Variants in AFG1L observed in about 807,000 individuals in gnomAD.
AFG1L encodes the protein AFG1-like ATPase.
AFG1L carries 53 observed loss-of-function variants against 62.2 expected under a neutral mutation model. That is an observed-to-expected ratio of 0.85 (90% CI 0.68 to 1.07). The LOEUF is 1.07. Ranked by LOEUF, AFG1L falls within the 50% of genes least tolerant of loss-of-function variation. The probability of loss-of-function intolerance (pLI) is 0.00; values close to 1 mark genes in which losing one functional copy is unlikely to be tolerated. For synonymous variants in AFG1L, 228 were observed against 210.3 expected (o/e 1.08, Z -0.73); for missense variants, 555 against 590.5 (o/e 0.94, Z 0.62).
intron 10 of AFG1L, among the ~76,000 whole-genome samples, chr6:108,502,196 TTTTGTTTG>T (rs939111401): frequency 4.6e-5 from 7 of 151,330 alleles, no homozygotes; most frequent in African/African-American, 1.7e-4. Flanking sequence ...TGGTTTTGCT[TTTTGTTTG>T]TTTGTTTGTT....
chr6:108,299,149 T>C (rs554490097), intron 1 of AFG1L, among the ~76,000 whole-genome samples: 2 of 151,538 alleles, frequency 1.3e-5, no homozygotes, highest in South Asian at 4.2e-4. Context: ...TAATCCCAGC[T>C]ACTTGGGAGG....
chr6:108,447,668 T>C (rs952820935), intron 8 of AFG1L, among the ~76,000 whole-genome samples: 2 of 152,192 alleles, frequency 1.3e-5, no homozygotes, highest in Admixed American at 1.3e-4. Flanking sequence ...AAAATTGTTG[T>C]TTTATTTGTC....
At chr6:108,320,424 C>T (rs911046926) in intron 1 of AFG1L, among the ~76,000 whole-genome samples, 1 of 152,164 alleles carries the variant, frequency 6.6e-6, no homozygotes, top group Non-Finnish European at 1.5e-5. Context: ...CTCCTCCAGG[C>T]CCCTCAGGAA....
chr6:108,302,487 C>T (rs1197069368), intron 1 of AFG1L, among the ~76,000 whole-genome samples: 1 of 151,878 alleles, frequency 6.6e-6, no homozygotes, highest in East Asian at 1.9e-4. Flanking sequence ...AAGCCGAGCC[C>T]AGCCATGGGT....
chr6:108,510,288 C>T lies in AFG1L; in HGVS notation c.1139C>T (p.Thr380Ile). The T allele has an allele frequency of 3.1e-6, 5 of 1,612,342 alleles. No individual in the cohort carries two copies. The highest frequency in any genetic ancestry group is 4.2e-6 in the Non-Finnish European group (5 of 1,178,808). ...TIFLRNIPQF[T>I]LANRTQGRRF... ...TTTTTACGAAACATTCCGCAATTTA[C>T]TCTGGCAAACAGGACTCAAGGTCGA... is the stretch of plus-strand genomic sequence containing the variant. The change falls in exon 11 of 13, where the codon ACT becomes ATT. Residue 380 changes from threonine (T) to isoleucine (I), a missense_variant. Thr to Ile is a moderately conservative substitution (Grantham distance 89, BLOSUM62 -1). Coordinates refer to ENST00000368977, the MANE Select transcript of AFG1L (RefSeq NM_145315.5).
chr6:108,313,608 C>T (rs550613938), intron 1 of AFG1L, among the ~76,000 whole-genome samples: 22 of 152,220 alleles, frequency 1.4e-4, no homozygotes, highest in African/African-American at 3.1e-4. Context: ...GACATAATCA[C>T]GGCTCACTGC....
intron 6 of AFG1L, among the ~76,000 whole-genome samples, chr6:108,400,968 A>ATTCTATTT (rs1781575608): frequency 6.7e-6 from 1 of 148,192 alleles, no homozygotes; most frequent in Admixed American, 6.9e-5. Flanking sequence ...TCAATGTTTA[A>ATTCTATTT]TTCTTTTTTT....
At chr6:108,428,315 G>GTA (rs1259207796) in intron 7 of AFG1L, among the ~76,000 whole-genome samples, 1 of 152,114 alleles carries the variant, frequency 6.6e-6, no homozygotes, top group Non-Finnish European at 1.5e-5. Context: ...ATTCCATGGT[G>GTA]TATATATATA....
chr6:108,371,085 T>A (rs1048804489), intron 6 of AFG1L, among the ~76,000 whole-genome samples: 2 of 152,228 alleles, frequency 1.3e-5, no homozygotes, highest in South Asian at 4.1e-4. Context: ...TTCCAGTTCA[T>A]GCCTTGTTTG....
At chr6:108,490,087 G>A (rs1773716885) in intron 10 of AFG1L, among the ~76,000 whole-genome samples, 2 of 152,296 alleles carry the variant, frequency 1.3e-5, no homozygotes, top group Middle Eastern at 3.4e-3. Context: ...TAGGCTAGGC[G>A]CGGTGGCTTA....
At chr6:108,452,431 G>T (rs1772094001) in intron 8 of AFG1L, among the ~76,000 whole-genome samples, 1 of 151,922 alleles carries the variant, frequency 6.6e-6, no homozygotes, top group South Asian at 2.1e-4. Flanking sequence ...GAGTCCTATA[G>T]GTTCTTTTCT....
chr6:108,377,028 A>G (rs549044097), intron 6 of AFG1L, among the ~76,000 whole-genome samples: 11 of 151,758 alleles, frequency 7.2e-5, no homozygotes, highest in East Asian at 3.9e-4. Flanking sequence ...TTTAAAGTCT[A>G]TTTAATCTGA....
At chr6:108,450,827 GT>G (rs1405728068) in intron 8 of AFG1L, among the ~76,000 whole-genome samples, 1 of 151,592 alleles carries the variant, frequency 6.6e-6, no homozygotes, top group Admixed American at 6.6e-5. Context: ...TGGCTAGCCA[GT>G]TTTCCCAGAA....
chr6:108,447,718 A>G (rs370022861), intron 8 of AFG1L, among the ~76,000 whole-genome samples: 2 of 152,168 alleles, frequency 1.3e-5, no homozygotes, highest in African/African-American at 4.8e-5. Context: ...ACTTCCATAT[A>G]TAACTGATCT....
chr6:108,383,056 G>A (rs548049577), intron 6 of AFG1L, among the ~76,000 whole-genome samples: 19 of 152,226 alleles, frequency 1.2e-4, no homozygotes, highest in East Asian at 5.8e-4. Flanking sequence ...TGGCCCACAT[G>A]GTAAAACTCT....
At chr6:108,484,928 AT>A (rs926622737) in intron 10 of AFG1L, among the ~76,000 whole-genome samples, 49 of 151,858 alleles carry the variant, frequency 3.2e-4, no homozygotes, top group South Asian at 1.0e-3. Flanking sequence ...AAAGTTGTTG[AT>A]TTTTTTTTAT....
At chr6:108,395,654 G>T (rs1164711172) in intron 6 of AFG1L, among the ~76,000 whole-genome samples, 1 of 151,672 alleles carries the variant, frequency 6.6e-6, no homozygotes, top group Non-Finnish European at 1.5e-5. Flanking sequence ...CACCCGCCTT[G>T]GCCTCCTAAA....
At position 108,309,810 on chromosome 6, in the gene AFG1L, A is replaced by T. The variant is rs1327474410; in HGVS notation, c.140-14015A>T. ...AACACAAAATATCTTATTAATAATT[A>T]AAAAATTTTTATTATATGTTGATTA... On this transcript the variant is annotated intron_variant, in intron 1 of 12. Coordinates refer to ENST00000368977, the MANE Select transcript of AFG1L (RefSeq NM_145315.5). 3.3e-5 allele frequency among the ~76,000 whole-genome samples: 5 copies of T among 152,256 alleles called. No individual in the cohort carries two copies. The South Asian group carries it at 6.2e-4, about 19-fold the overall frequency.
chr6:108,466,188 T>C (rs561304857), intron 8 of AFG1L, among the ~76,000 whole-genome samples: 5 of 152,348 alleles, frequency 3.3e-5, no homozygotes, highest in South Asian at 2.1e-4. Flanking sequence ...AATGGAACTC[T>C]TTTTTGTATC....
Sources: gnomAD v4.1 joint callset for allele counts (sites outside exome capture counted in the v4.1 genomes callset) on GRCh38, gnomAD v4.1.1 for gene constraint, MANE v1.5 for transcripts, NCBI Gene and HGNC (gene_info 2026-07-23, HGNC 2026-07-21) for gene names.